Variants in PTGR1 observed in about 807,000 individuals in gnomAD.
PTGR1 encodes 15-oxoprostaglandin 13-reductase.
Under a neutral mutation model 37.7 loss-of-function variants are expected in PTGR1, and 23 were observed. The observed-to-expected ratio is 0.61, with a 90% confidence interval of 0.44 to 0.86. PTGR1 has a LOEUF of 0.86. Ranked by LOEUF, PTGR1 falls within the 40% of genes least tolerant of loss-of-function variation. PTGR1 has a pLI of 0.00. For missense variants in PTGR1, 351 were observed against 394.3 expected (o/e 0.89, Z 0.93); for synonymous variants, 134 against 140.0 (o/e 0.96, Z 0.30).
intron 4 of PTGR1, chr9:111,592,701 A>T: frequency 1.9e-6 from 1 of 526,550 alleles, no homozygotes; most frequent in Non-Finnish European, 3.1e-6. Context: ...AGTAATTAAA[A>T]GTAAGGATGG....
intron 6 of PTGR1, among the ~76,000 whole-genome samples, chr9:111,579,288 A>G (rs1451222227): frequency 6.6e-6 from 1 of 151,992 alleles, no homozygotes; most frequent in African/African-American, 2.4e-5. Flanking sequence ...AGTGTATGCC[A>G]TCTCTTGGTA....
chr9:111,578,100 C>T (rs1014450275), intron 7 of PTGR1, among the ~76,000 whole-genome samples: 22 of 152,044 alleles, frequency 1.4e-4, no homozygotes, highest in African/African-American at 5.1e-4. Flanking sequence ...TTACATGGTA[C>T]ATGAATGATA....
intron 5 of PTGR1, among the ~76,000 whole-genome samples, chr9:111,585,057 A>T (rs773219037): frequency 4.1e-5 from 6 of 145,508 alleles, no homozygotes; most frequent in Admixed American, 1.4e-4. Flanking sequence ...TTTCTGCATT[A>T]AAAAAAAAAA....
intron 4 of PTGR1, chr9:111,592,704 A>G: frequency 3.8e-6 from 2 of 531,638 alleles, no homozygotes; most frequent in East Asian, 6.7e-5. Flanking sequence ...AATTAAAAGT[A>G]AGGATGGCAA....
chr9:111,579,802 C>T (rs1829220113), intron 6 of PTGR1, among the ~76,000 whole-genome samples: 1 of 152,158 alleles, frequency 6.6e-6, no homozygotes, highest in African/African-American at 2.4e-5. Flanking sequence ...CTACACGCTT[C>T]CTAATCACAG....
At chr9:111,562,163 G>A (rs940799711), downstream of PTGR1, among the ~76,000 whole-genome samples, 2 of 151,416 alleles carry the variant, frequency 1.3e-5, no homozygotes, top group South Asian at 2.1e-4. Context: ...GTGAGCCACC[G>A]CGCCCGGCCT....
chr9:111,578,567 C>T (rs1056293989), intron 7 of PTGR1, among the ~76,000 whole-genome samples: 2 of 152,130 alleles, frequency 1.3e-5, no homozygotes, highest in African/African-American at 4.8e-5. Context: ...GAATCTAATG[C>T]TGCCACTGTT....
rs74633160 is a variant in PTGR1 at position 111,578,960 on chromosome 9, A to G, written c.496-9T>C. 0.19 allele frequency: 84,936 copies of G among 436,868 alleles called. 774 individuals carry two copies. The highest frequency in any genetic ancestry group is 0.35 in the East Asian group (6,129 of 17,316). The allele number at this position is 436,868 out of a possible 1,614,324, so 27.1% of individuals were successfully genotyped here. ...CCAACAACTTTGCAGCCCTAAGTAG[A>G]AAAAAAAAAAAAAAGGAAACCATGA... On this transcript the variant is annotated splice_polypyrimidine_tract_variant and intron_variant, in intron 6 of 9. Coordinates refer to ENST00000407693, the MANE Select transcript of PTGR1 (RefSeq NM_001146108.2).
chr9:111,595,233 A>C (rs1010567238), intron 2 of PTGR1, among the ~76,000 whole-genome samples: 2 of 152,176 alleles, frequency 1.3e-5, no homozygotes, highest in African/African-American at 4.8e-5. Context: ...TATCGCAGAG[A>C]CAAGAAGGGG....
intron 9 of PTGR1, among the ~76,000 whole-genome samples, chr9:111,567,674 C>T (rs1340387489): frequency 6.6e-6 from 1 of 152,134 alleles, no homozygotes; most frequent in East Asian, 1.9e-4. Flanking sequence ...AAGTGAAATG[C>T]AGAGCTTTGC....
intron 5 of PTGR1, among the ~76,000 whole-genome samples, chr9:111,584,220 G>A (rs766779975): frequency 4.6e-5 from 7 of 152,196 alleles, no homozygotes; most frequent in African/African-American, 7.2e-5. Context: ...ATTGGATTGC[G>A]AGTTTGGAAG....
At chr9:111,598,215 G>A (rs1176878833) in intron 1 of PTGR1, among the ~76,000 whole-genome samples, 1 of 152,202 alleles carries the variant, frequency 6.6e-6, no homozygotes, top group African/African-American at 2.4e-5. Flanking sequence ...CTGCACCAAA[G>A]CAAGGGAAGA....
At chr9:111,595,924 C>A (rs1290769321) in intron 2 of PTGR1, among the ~76,000 whole-genome samples, 1 of 152,094 alleles carries the variant, frequency 6.6e-6, no homozygotes, top group Non-Finnish European at 1.5e-5. Context: ...TGAGCCGCCA[C>A]ACCCAGCCGA....
At chr9:111,566,821 A>G (rs1235563687) in intron 9 of PTGR1, among the ~76,000 whole-genome samples, 1 of 152,226 alleles carries the variant, frequency 6.6e-6, no homozygotes, top group African/African-American at 2.4e-5. Context: ...ATAAATATAA[A>G]TGAATAAGTA....
At chr9:111,576,960 GCATGC>G (rs928897932) in intron 7 of PTGR1, 1 of 152,262 alleles carries the variant, frequency 6.6e-6, no homozygotes, top group Non-Finnish European at 1.5e-5. Context: ...GCATGGTGGT[GCATGC>G]CTGTAATCCC....
intron 9 of PTGR1, 58 bp from the exon 10 acceptor site, chr9:111,563,289 G>C: frequency 2.0e-6 from 3 of 1,474,784 alleles, no homozygotes; most frequent in Non-Finnish European, 2.8e-6. Context: ...ATGATATACT[G>C]TTCTCATCCT....
chr9:111,576,343 A>AGCTTTCCC (rs1407684300), intron 7 of PTGR1: 1 of 1,613,866 alleles, frequency 6.2e-7, no homozygotes, highest in Admixed American at 1.7e-5. Context: ...GTACTCACTA[A>AGCTTTCCC]GCTTTCCCTG....
intron 9 of PTGR1, among the ~76,000 whole-genome samples, chr9:111,552,153 A>G (rs576808063): frequency 1.3e-5 from 2 of 152,356 alleles, no homozygotes; most frequent in African/African-American, 4.8e-5. Flanking sequence ...CTTTGATTGA[A>G]TATTTGGTAA....
In PTGR1 at chr9:111,578,878, A is replaced by G. The variant is rs1165817086; in HGVS notation, c.569T>C (p.Val190Ala). 2 of 1,613,310 alleles carry G rather than the reference A, an allele frequency of 1.2e-6. No individual in the cohort carries two copies. The highest frequency in any genetic ancestry group is 1.7e-6 in the Non-Finnish European group (2 of 1,179,678). The change falls in exon 7 of 10, where the codon GTC becomes GCC. Residue 190 changes from valine to alanine, a missense_variant. Physicochemically the swap from Val to Ala is moderately conservative, Grantham distance 64. Coordinates refer to ENST00000407693, the MANE Select transcript of PTGR1 (RefSeq NM_001146108.2). ...AGACTCTACCGTCTTGTAGTTAAAGACGACATCAAATCCAAGCTTTTGAAG... is the reference window on the plus strand; with the variant it reads ...AGACTCTACCGTCTTGTAGTTAAAGGCGACATCAAATCCAAGCTTTTGAAG... ...AYLQKLGFDV[V>A]FNYKTVESLE...
Sources: gnomAD v4.1 joint callset for allele counts (sites outside exome capture counted in the v4.1 genomes callset) on GRCh38, gnomAD v4.1.1 for gene constraint, MANE v1.5 for transcripts, NCBI Gene and HGNC (gene_info 2026-07-23, HGNC 2026-07-21) for gene names.